The following ABHD6 variants were observed in gnomAD, a reference collection of about 807,000 sequenced individuals.
ABHD6 encodes the protein monoacylglycerol lipase ABHD6.
In ABHD6, 33 loss-of-function variants were observed where a neutral mutation model predicts 38.8. The observed-to-expected ratio is 0.85, with a 90% CI of 0.64 to 1.14. The LOEUF is 1.14. Ranked by LOEUF, ABHD6 falls within the 50% of genes most tolerant of loss-of-function variation. The pLI is 0.00. For missense variants in ABHD6, 380 were observed against 422.6 expected (o/e 0.90, Z 0.88); for synonymous variants, 147 against 161.6 (o/e 0.91, Z 0.69).
At position 58,267,314 on chromosome 3, in the gene ABHD6, C is replaced by A. The variant is rs758772829; in HGVS notation, c.245C>A (p.Ala82Asp). ...ATCCTCATGCTCCACGGATTCTCTG[C>A]CCACAAGGATATGTGGCTCAGTGTG... ...PSILMLHGFS[A>D]HKDMWLSVVK... The change falls in exon 4 of 10, where the codon GCC becomes GAC. Residue 82 changes from alanine (A) to aspartate (D), a missense_variant. Coordinates refer to ENST00000478253, the MANE Select transcript of ABHD6 (RefSeq NM_001320126.2). The surrounding 1 kb of genome is among the most constrained non-coding windows in gnomAD (Gnocchi z 4.3). The A allele has an allele frequency of 5.3e-5, 86 of 1,613,972 alleles. No homozygotes were observed. In the South Asian group the frequency reaches 8.9e-4, roughly 17 times the overall value.
chr3:58,260,868 C>G lies in ABHD6; in HGVS notation c.119+4163C>G, dbSNP rs148293561. ...GGGATTGTCTCAGCTCCTCAGGGAA[C>G]AAGAACAGGTGTCCCCAGTAGGCCA... On this transcript the variant is annotated intron_variant, in intron 3 of 9. Coordinates refer to ENST00000478253, the MANE Select transcript of ABHD6 (RefSeq NM_001320126.2). 9.8e-4 allele frequency among the ~76,000 whole-genome samples: 149 copies of G among 152,324 alleles called. 2 individuals carry two copies. Among genetic ancestry groups the G allele is most frequent in the Middle Eastern group, 6.8e-3 (2 of 294 alleles).
At chr3:58,247,930 G>C (rs1270706066) in intron 1 of ABHD6, among the ~76,000 whole-genome samples, 2 of 152,318 alleles carry the variant, frequency 1.3e-5, no homozygotes, top group African/African-American at 2.4e-5. Context: ...GGGACAAAAG[G>C]TATCAGTGAA....
intron 3 of ABHD6, among the ~76,000 whole-genome samples, chr3:58,262,393 G>T (rs2107444415): frequency 6.6e-6 from 1 of 152,332 alleles, no homozygotes. Context: ...ACTAGACAGA[G>T]ACATAGGATG....
chr3:58,274,721 C>T lies in ABHD6; in HGVS notation c.587C>T (p.Ala196Val). The change falls in exon 7 of 10, where the codon GCC (alanine) becomes GTC (valine). Residue 196 changes from alanine (A) to valine (V), a missense_variant. Physicochemically the swap from Ala to Val is moderately conservative, Grantham distance 64 (BLOSUM62 0). Coordinates refer to ENST00000478253, the MANE Select transcript of ABHD6 (RefSeq NM_001320126.2). ...CTCAAAGAACTGCAGGGCTCTGCCG[C>T]CGTGGAGAAGATTCCCTTGATCCCG... ...QRLKELQGSA[A>V]VEKIPLIPST... 1.9e-6 allele frequency: 3 copies of T among 1,614,234 alleles called. No homozygotes were observed. In the South Asian group the frequency reaches 3.3e-5, roughly 18 times the overall value.
rs1383785224 is a variant in ABHD6, at chr3:58,267,782, G to A, written c.276+437G>A. Among the ~76,000 whole-genome samples, 2 of 152,116 alleles carry A rather than the reference G, an allele frequency of 1.3e-5. No individual in the cohort carries two copies. Among genetic ancestry groups the A allele is most frequent in the African/African-American group, 4.8e-5 (2 of 41,428 alleles). On this transcript the variant is annotated intron_variant, in intron 4 of 9. Transcript: ENST00000478253. This position sits in a 1 kb window ranked among gnomAD's most constrained non-coding sequence, Gnocchi z 4.3. ...AACTGTGGTGGTTCAAGTCATATTA[G>A]AACTAATGCAGTGTGGCCTGGCACA...
At chr3:58,286,852 G>GTATATATATATATATATATATATATATA (rs1235603195) in intron 9 of ABHD6, among the ~76,000 whole-genome samples, 1 of 70,630 alleles carries the variant, frequency 1.4e-5, no homozygotes, top group African/African-American at 4.7e-5. Flanking sequence ...GTGTGTGTGT[G>GTATATATATATATATATATATATATATA]TATATATATA....
intron 2 of ABHD6, among the ~76,000 whole-genome samples, chr3:58,253,500 G>A (rs1179637572): frequency 6.6e-6 from 1 of 152,218 alleles, no homozygotes; most frequent in Non-Finnish European, 1.5e-5. Flanking sequence ...TGTAGCCAGT[G>A]TTAAATAGGT....
intron 5 of ABHD6, 93 bp from the exon 6 acceptor site, chr3:58,270,839 T>C: frequency 7.2e-7 from 1 of 1,383,648 alleles, no homozygotes; most frequent in South Asian, 1.6e-5. Context: ...TTTTCAGTTG[T>C]CCATAGGAAG....
At chr3:58,286,172 A>G (rs565775894) in intron 9 of ABHD6, among the ~76,000 whole-genome samples, 1 of 152,236 alleles carries the variant, frequency 6.6e-6, no homozygotes, top group South Asian at 2.1e-4. Context: ...GGCACCCGCC[A>G]CCATGCCCAG....
intron 3 of ABHD6, among the ~76,000 whole-genome samples, chr3:58,261,914 A>G (rs1259453250): frequency 6.6e-6 from 1 of 152,232 alleles, no homozygotes; most frequent in East Asian, 1.9e-4. Flanking sequence ...CATTCTTTGC[A>G]ATAGCGAAAA....
At chr3:58,270,676 G>C (rs2097444214) in intron 5 of ABHD6, among the ~76,000 whole-genome samples, 1 of 151,924 alleles carries the variant, frequency 6.6e-6, no homozygotes, top group South Asian at 2.1e-4. Context: ...AAAAAGAAAA[G>C]TTTGCTGACT....
At position 58,238,696 on chromosome 3, in the gene ABHD6, C is replaced by T. The variant is rs2097420786; in HGVS notation, c.-91+780C>T. Reference sequence around the variant, plus strand: ...GGGGAAGAGGAGGATGCCAGAGGGTCTAGATACTGTGCATGCAGAGAATAT... The same window carrying T: ...GGGGAAGAGGAGGATGCCAGAGGGTTTAGATACTGTGCATGCAGAGAATAT... On this transcript the variant is annotated intron_variant, in intron 1 of 9. Coordinates refer to ENST00000478253, the MANE Select transcript of ABHD6 (RefSeq NM_001320126.2). This position sits in a 1 kb window ranked among gnomAD's most constrained non-coding sequence, Gnocchi z 6.9. 6.5e-6 allele frequency: 1 copy of T among 152,794 alleles called. No homozygotes were observed. 9.5% of individuals were successfully genotyped at this position (152,794 alleles called of 1,614,324 possible).
intron 1 of ABHD6, among the ~76,000 whole-genome samples, chr3:58,248,387 A>T (rs2097427836): frequency 6.6e-6 from 1 of 152,218 alleles, no homozygotes. Context: ...AGGCATAAAC[A>T]TAGATAAATT....
chr3:58,281,677 G>A (rs1047550299), intron 7 of ABHD6, among the ~76,000 whole-genome samples: 7 of 152,224 alleles, frequency 4.6e-5, no homozygotes, highest in African/African-American at 1.7e-4. Context: ...CTTCTGCGTT[G>A]ATCACGCTGG....
rs781047935 is a variant in ABHD6, at chr3:58,267,214, C to T, written c.145C>T (p.Gln49Ter). ...GTACTGGCGGAGGACATTGGGCATG[C>T]AAGTCCGCTATGTTCACCATGAAGA... is the stretch of plus-strand genomic sequence containing the variant. ...YWYWRRTLGM[Q>*]VRYVHHEDYQ... is the part of the protein sequence containing the mutation. Residue 49 changes from glutamine (Q) to a stop codon, truncating the protein, a stop_gained, in exon 4 of 10, where the codon CAA becomes TAA. Transcript: ENST00000478253. LOFTEE classifies it high-confidence loss of function. The surrounding 1 kb of genome is among the most constrained non-coding windows in gnomAD (Gnocchi z 4.3). 1 of 1,614,126 alleles carries T rather than the reference C, an allele frequency of 6.2e-7. No individual in the cohort carries two copies. The highest frequency in any genetic ancestry group is 1.7e-5 in the Admixed American group (1 of 60,022).
intron 1 of ABHD6, among the ~76,000 whole-genome samples, chr3:58,245,267 C>G (rs561658530): frequency 6.6e-6 from 1 of 152,158 alleles, no homozygotes; most frequent in Non-Finnish European, 1.5e-5. Context: ...CAGGTTCAAG[C>G]GATTCTCCTG....
At chr3:58,239,534 A>G (rs2107406776) in intron 1 of ABHD6, among the ~76,000 whole-genome samples, 1 of 152,258 alleles carries the variant, frequency 6.6e-6, no homozygotes, top group African/African-American at 2.4e-5. Context: ...TATTTTTATT[A>G]TTTTGCCTTT....
At chr3:58,245,372 G>C (rs2107416248) in intron 1 of ABHD6, among the ~76,000 whole-genome samples, 1 of 152,166 alleles carries the variant, frequency 6.6e-6, no homozygotes, top group Admixed American at 6.5e-5. Flanking sequence ...CACCATGTTG[G>C]CCAGGCTGGT....
intron 6 of ABHD6, among the ~76,000 whole-genome samples, chr3:58,274,221 A>G (rs528424813): frequency 2.6e-5 from 4 of 152,258 alleles, no homozygotes; most frequent in East Asian, 1.9e-4. Context: ...TGCCAGCCCT[A>G]TGTTTTCTTC....
Sources: allele counts gnomAD v4.1 joint callset (sites outside exome capture counted in the v4.1 genomes callset), GRCh38; gene constraint gnomAD v4.1.1; non-coding constraint Gnocchi (gnomAD v3.1); transcripts MANE v1.5; gene names NCBI Gene and HGNC (gene_info 2026-07-23, HGNC 2026-07-21).